CHST15: variants seen among roughly 807,000 people sequenced by gnomAD.
CHST15 encodes the protein B cell RAG associated protein (GALNAC4S-6ST).
Under a neutral mutation model 53.6 loss-of-function variants are expected in CHST15, and 30 were observed. That is an observed-to-expected ratio of 0.56 (90% CI 0.42 to 0.76). CHST15 has a LOEUF of 0.76. Ranked by LOEUF, CHST15 falls within the 30% of genes least tolerant of loss-of-function variation. CHST15 has a pLI of 0.00. For synonymous variants in CHST15, 296 were observed against 289.8 expected (o/e 1.02, Z -0.22); for missense variants, 627 against 740.5 (o/e 0.85, Z 1.78).
chr10:124,040,369 G>T (rs1485351601), intron 4 of CHST15, among the ~76,000 whole-genome samples: 1 of 152,186 alleles, frequency 6.6e-6, no homozygotes, highest in Non-Finnish European at 1.5e-5. Context: ...TAAGGGGGAC[G>T]ATGGCAATTC....
At chr10:124,026,759 G>T (rs1221636755) in intron 5 of CHST15, among the ~76,000 whole-genome samples, 1 of 152,190 alleles carries the variant, frequency 6.6e-6, no homozygotes, top group East Asian at 1.9e-4. Flanking sequence ...CACCAAACCT[G>T]GCTGCTCTCC....
intron 5 of CHST15, among the ~76,000 whole-genome samples, chr10:124,034,333 C>G (rs1002098630): frequency 3.9e-5 from 6 of 152,106 alleles, no homozygotes; most frequent in African/African-American, 1.4e-4. Context: ...GAACTGTGAG[C>G]CTCCTTCTAG....
chr10:124,076,796 GC>G (rs1949087066), intron 1 of CHST15, among the ~76,000 whole-genome samples: 1 of 150,306 alleles, frequency 6.7e-6, no homozygotes, highest in Non-Finnish European at 1.5e-5. Context: ...TGCAAGCTCC[GC>G]CTTCCGGGTT....
chr10:124,009,772 G>C lies in CHST15; in HGVS notation c.*377C>G, dbSNP rs1946360616. On this transcript the variant is annotated 3_prime_UTR_variant, in exon 8 of 8. Coordinates refer to ENST00000435907, the MANE Select transcript of CHST15 (RefSeq NM_001270764.2). ...AGGCCTGTGGCATGACCTCTGGCTT[G>C]CTGACTCAGAACCCAGAGGCTCTCC... 9.4e-7 allele frequency: 1 copy of C among 1,068,026 alleles called. No homozygotes were observed. The highest frequency in any genetic ancestry group is 1.1e-6 in the Non-Finnish European group (1 of 880,062). The allele number at this position is 1,068,026 out of a possible 1,614,324, so 66.2% of individuals were successfully genotyped here.
At chr10:124,012,262 C>A (rs1946437214) in intron 7 of CHST15, 71 bp downstream of exon 7, 4 of 1,548,082 alleles carry the variant, frequency 2.6e-6, no homozygotes, top group Non-Finnish European at 3.5e-6. Flanking sequence ...CTGCATTTGC[C>A]CCAGAGGACT....
Position 124,029,522 on chromosome 10 carries a change from C to G in CHST15, c.1191-8110G>C, listed in dbSNP as rs189622593. Among the ~76,000 whole-genome samples, 382 of 152,306 alleles carry G rather than the reference C, an allele frequency of 2.5e-3. 1 individual carries two copies. Among genetic ancestry groups the G allele is most frequent in the African/African-American group, 8.9e-3 (368 of 41,550 alleles). ...CCTTCCAGAGCATCCAATCACAGGG[C>G]CCCGGTAACTGTTCACAGACTGGGA... On this transcript the variant is annotated intron_variant, in intron 5 of 7. Transcript: ENST00000435907.
intron 1 of CHST15, among the ~76,000 whole-genome samples, chr10:124,077,817 C>T (rs757205919): frequency 3.3e-5 from 5 of 152,232 alleles, no homozygotes; most frequent in Non-Finnish European, 5.9e-5. Context: ...TATTACGAGC[C>T]TCACTCGGCT....
chr10:124,039,818 T>G (rs1279318278), intron 4 of CHST15, among the ~76,000 whole-genome samples: 1 of 151,620 alleles, frequency 6.6e-6, no homozygotes, highest in African/African-American at 2.4e-5. Context: ...AATTCATCAA[T>G]CAGCTCTACA....
chr10:124,080,987 C>T (rs1949214614), intron 1 of CHST15, among the ~76,000 whole-genome samples: 2 of 152,220 alleles, frequency 1.3e-5, no homozygotes, highest in Non-Finnish European at 2.9e-5. Flanking sequence ...TCTGCACTGA[C>T]CAGCTATCTG....
At chr10:124,077,340 C>T (rs773639564) in intron 1 of CHST15, among the ~76,000 whole-genome samples, 6 of 152,164 alleles carry the variant, frequency 3.9e-5, no homozygotes, top group Non-Finnish European at 5.9e-5. Flanking sequence ...AGTCTGATCT[C>T]GAACAGCATC....
chr10:124,010,246 G>A lies in CHST15; in HGVS notation c.1589C>T (p.Pro530Leu), dbSNP rs1327278875. 2 of 1,614,014 alleles carry A rather than the reference G, an allele frequency of 1.2e-6. No individual in the cohort carries two copies. Among genetic ancestry groups the A allele is most frequent in the Non-Finnish European group, 1.7e-6 (2 of 1,180,030 alleles). Reference protein sequence around the residue: ...PEDRNLGPMWPITQKILRDFY... With the variant: ...PEDRNLGPMWLITQKILRDFY... ...ATCCCGCAGAATCTTCTGTGTGATG[G>A]GCCACATGGGCCCCAGGTTCCGGTC... is the stretch of plus-strand genomic sequence containing the variant. The change falls in exon 8 of 8, where the codon CCC becomes CTC. Residue 530 changes from proline to leucine, a missense_variant. By Grantham distance (98) the Pro-to-Leu change is moderately conservative. This residue lies in a region of CHST15 where 279 missense variants were observed against 371.6 expected (regional missense o/e 0.75). Transcript: ENST00000435907.
chr10:124,049,318 GAAGCACCTTTCGTCATTCATGAC>G (rs1948110295), intron 1 of CHST15, among the ~76,000 whole-genome samples: 1 of 152,188 alleles, frequency 6.6e-6, no homozygotes, highest in Non-Finnish European at 1.5e-5. Flanking sequence ...TGGGGTGAGA[GAAGCACCTTTCGTCATTCATGAC>G]AAGCCCCTTT....
intron 7 of CHST15, chr10:124,011,609 G>A (rs929367386): frequency 1.2e-5 from 12 of 985,282 alleles, no homozygotes; most frequent in African/African-American, 8.7e-5. Flanking sequence ...TCGGTGCCCC[G>A]TCCACATGGG....
intron 1 of CHST15, among the ~76,000 whole-genome samples, chr10:124,065,999 G>A (rs574497069): frequency 1.9e-4 from 29 of 152,092 alleles, no homozygotes; most frequent in Non-Finnish European, 3.5e-4. Flanking sequence ...CAAAAGCATC[G>A]AGTATTCGGA....
chr10:124,043,578 T>G (rs528276871), intron 3 of CHST15, among the ~76,000 whole-genome samples: 2 of 152,268 alleles, frequency 1.3e-5, no homozygotes, highest in African/African-American at 4.8e-5. Flanking sequence ...TAGGCACGTA[T>G]CACCCCTCAG....
At position 124,019,662 on chromosome 10, in the gene CHST15, G is replaced by A. The variant is rs182956538; in HGVS notation, c.1347+1594C>T. On this transcript the variant is annotated intron_variant, in intron 6 of 7. Coordinates refer to ENST00000435907, the MANE Select transcript of CHST15 (RefSeq NM_001270764.2). The surrounding 1 kb of genome is among the most constrained non-coding windows in gnomAD (Gnocchi z 4.6). ...GTTAAACAAGTATGTGTGCTTTCTC[G>A]CGTTAGTCTTTTATTATAGGTGCCT... 2.0e-3 allele frequency: 1,073 copies of A among 534,850 alleles called. 11 individuals carry two copies. The highest frequency in any genetic ancestry group is 0.015 in the African/African-American group (719 of 48,796). 33.1% of individuals were successfully genotyped at this position (534,850 alleles called of 1,614,324 possible).
chr10:124,042,805 G>A (rs1947793241), intron 3 of CHST15, among the ~76,000 whole-genome samples: 2 of 152,140 alleles, frequency 1.3e-5, no homozygotes, highest in Admixed American at 1.3e-4. Context: ...TAAGTGGCTG[G>A]GCAGCGATGA....
At chr10:124,086,750 A>C (rs1171031629) in intron 1 of CHST15, among the ~76,000 whole-genome samples, 1 of 152,136 alleles carries the variant, frequency 6.6e-6, no homozygotes, top group Non-Finnish European at 1.5e-5. Context: ...AGCTCCCCTG[A>C]ACCCTGAATT....
intron 1 of CHST15, among the ~76,000 whole-genome samples, chr10:124,075,555 C>T (rs1017684138): frequency 7.9e-5 from 12 of 152,196 alleles, no homozygotes; most frequent in African/African-American, 2.7e-4. Context: ...CCCCAAGACG[C>T]TGCTCGGAAG....
Sources: allele counts gnomAD v4.1 joint callset (sites outside exome capture counted in the v4.1 genomes callset), GRCh38; gene constraint gnomAD v4.1.1; regional missense constraint gnomAD v4.1.1; non-coding constraint Gnocchi (gnomAD v3.1); transcripts MANE v1.5; gene names NCBI Gene and HGNC (gene_info 2026-07-23, HGNC 2026-07-21).